The following TAOK3 variants were observed in gnomAD, a reference collection of about 807,000 sequenced individuals.
TAOK3 encodes the protein TAO kinase 3, also known as serine/threonine-protein kinase TAO3.
A neutral mutation model predicts 120.4 loss-of-function variants in TAOK3; 40 were observed. The observed-to-expected ratio is 0.33, with a 90% CI of 0.26 to 0.43. The LOEUF (loss-of-function observed/expected upper bound fraction) is 0.43, where lower values mean the gene tolerates loss of function less well. Ranked by LOEUF, TAOK3 falls within the 20% of genes least tolerant of loss-of-function variation. The pLI is 1.00. For missense variants in TAOK3, 821 were observed against 1,112.1 expected, an observed-to-expected ratio of 0.74 and a Z score of 3.72; for synonymous variants, 355 against 387.5, an observed-to-expected ratio of 0.92 and a Z score of 0.99.
chr12:118,219,565 A>AT (rs2039118499), intron 9 of TAOK3, among the ~76,000 whole-genome samples: 1 of 151,544 alleles, frequency 6.6e-6, no homozygotes, highest in Non-Finnish European at 1.5e-5. Flanking sequence ...TGCAAATTAT[A>AT]TTTTTTGCTT....
chr12:118,222,868 G>A (rs1593210139), intron 9 of TAOK3, among the ~76,000 whole-genome samples: 1 of 151,978 alleles, frequency 6.6e-6, no homozygotes, highest in African/African-American at 2.4e-5. Flanking sequence ...CTCAGAATTC[G>A]CCACTATATA....
At chr12:118,233,328 A>G (rs981184872) in intron 9 of TAOK3, among the ~76,000 whole-genome samples, 14 of 151,992 alleles carry the variant, frequency 9.2e-5, no homozygotes, top group Middle Eastern at 3.4e-3. Context: ...GATGCAGCAC[A>G]CCAACATGGC....
intron 9 of TAOK3, among the ~76,000 whole-genome samples, chr12:118,224,753 G>C (rs1012785325): frequency 2.7e-4 from 41 of 152,280 alleles, no homozygotes; most frequent in African/African-American, 9.6e-4. Flanking sequence ...GACAGTGTCA[G>C]TAACACTATC....
intron 15 of TAOK3, among the ~76,000 whole-genome samples, chr12:118,177,825 A>AAAAAAGAAAAAAAAG (rs1437130711): frequency 2.6e-4 from 39 of 152,190 alleles, no homozygotes; most frequent in Admixed American, 3.3e-4. Flanking sequence ...CTCTGTCTCA[A>AAAAAAGAAAAAAAAG]AAAAAGAAAA....
At chr12:118,370,685 A>G (rs2045869730) in intron 1 of TAOK3, among the ~76,000 whole-genome samples, 1 of 152,252 alleles carries the variant, frequency 6.6e-6, no homozygotes, top group African/African-American at 2.4e-5. Flanking sequence ...TCGAGTTTGA[A>G]AAGTAGGTAG....
chr12:118,291,521 T>C (rs561522849), intron 1 of TAOK3, among the ~76,000 whole-genome samples: 1 of 152,328 alleles, frequency 6.6e-6, no homozygotes, highest in East Asian at 1.9e-4. Context: ...TAACCATTAC[T>C]ACTTCATGTG....
chr12:118,264,540 G>T (rs1396372284), intron 2 of TAOK3, among the ~76,000 whole-genome samples: 2 of 152,116 alleles, frequency 1.3e-5, no homozygotes, highest in Non-Finnish European at 2.9e-5. Flanking sequence ...TCATATCAGT[G>T]GTTACCTGGG....
At chr12:118,352,330 C>T (rs1287642944) in intron 1 of TAOK3, among the ~76,000 whole-genome samples, 2 of 151,526 alleles carry the variant, frequency 1.3e-5, no homozygotes, top group Admixed American at 1.3e-4. Flanking sequence ...ATGGTGAAAC[C>T]CTGTCTCTAC....
intron 9 of TAOK3, among the ~76,000 whole-genome samples, chr12:118,220,532 C>G (rs1297111682): frequency 6.7e-6 from 1 of 150,314 alleles, no homozygotes; most frequent in African/African-American, 2.4e-5. Flanking sequence ...CACTTACTGG[C>G]AAAAGGTTAA....
intron 1 of TAOK3, among the ~76,000 whole-genome samples, chr12:118,362,279 C>A (rs1297902943): frequency 1.5e-5 from 2 of 129,232 alleles, no homozygotes; most frequent in Non-Finnish European, 3.2e-5. Flanking sequence ...TCTTGGGCCA[C>A]ACATAAAATA....
At chr12:118,279,403 G>T (rs549620256) in intron 1 of TAOK3, among the ~76,000 whole-genome samples, 1 of 151,516 alleles carries the variant, frequency 6.6e-6, no homozygotes, top group Admixed American at 6.6e-5. Flanking sequence ...TTCTTTTGTT[G>T]TACAGAAGCT....
rs1382164409 is a variant in TAOK3 at position 118,161,196 on chromosome 12, C to A, written c.2139+592G>T. On this transcript the variant is annotated intron_variant, in intron 18 of 20. Transcript: ENST00000392533. This position sits in a 1 kb window ranked among gnomAD's most constrained non-coding sequence, Gnocchi z 4.5. Reference sequence around the variant, plus strand: ...TGTGGCAACACTGACAACGTCCTCCCGGATATATAGCAATGGCTTAGTACA... The same window carrying A: ...TGTGGCAACACTGACAACGTCCTCCAGGATATATAGCAATGGCTTAGTACA... Among the ~76,000 whole-genome samples the A allele has an allele frequency of 6.6e-6, 1 of 152,142 alleles. No homozygotes were observed. Among genetic ancestry groups the A allele is most frequent in the Admixed American group, 6.5e-5 (1 of 15,270 alleles).
rs181545476 is a variant in TAOK3 at position 118,367,833 on chromosome 12, T to A, written c.-194+4815A>T. Among the ~76,000 whole-genome samples the A allele has an allele frequency of 7.1e-3, 1,073 of 151,886 alleles. 7 individuals are homozygous for A. Among genetic ancestry groups the A allele is most frequent in the Middle Eastern group, 0.017 (5 of 294 alleles). On this transcript the variant is annotated intron_variant, in intron 1 of 20. Coordinates refer to ENST00000392533, the MANE Select transcript of TAOK3 (RefSeq NM_016281.4). ...ATGAAAACTAGGGAAAAAATTATTTTAAAAAAAGGGGCACTTAATTAAGAC... is the reference window on the plus strand; with the variant it reads ...ATGAAAACTAGGGAAAAAATTATTTAAAAAAAAGGGGCACTTAATTAAGAC...
At chr12:118,284,073 C>T (rs1224532732) in intron 1 of TAOK3, among the ~76,000 whole-genome samples, 6 of 151,996 alleles carry the variant, frequency 3.9e-5, no homozygotes, top group Non-Finnish European at 8.8e-5. Flanking sequence ...ATTGTGCACA[C>T]ATCACAGAAA....
At chr12:118,368,772 C>T (rs2045815524) in intron 1 of TAOK3, among the ~76,000 whole-genome samples, 1 of 148,898 alleles carries the variant, frequency 6.7e-6, no homozygotes, top group African/African-American at 2.5e-5. Context: ...TGCCCCTGCA[C>T]TCCAGCCTGG....
chr12:118,270,430 T>C (rs948761134), intron 1 of TAOK3, among the ~76,000 whole-genome samples: 4 of 152,120 alleles, frequency 2.6e-5, no homozygotes, highest in Non-Finnish European at 5.9e-5. Flanking sequence ...CTACTTCCTA[T>C]GGGATAAAGA....
rs781066000 is a variant in TAOK3 at position 118,161,092 on chromosome 12, T to C, written c.2139+696A>G. 2.0e-5 allele frequency among the ~76,000 whole-genome samples: 3 copies of C among 152,242 alleles called. No individual in the cohort carries two copies. The highest frequency in any genetic ancestry group is 2.9e-5 in the Non-Finnish European group (2 of 68,042). On this transcript the variant is annotated intron_variant, in intron 18 of 20. Coordinates refer to ENST00000392533, the MANE Select transcript of TAOK3 (RefSeq NM_016281.4). The surrounding 1 kb of genome is among the most constrained non-coding windows in gnomAD (Gnocchi z 4.5). ...ACTTCACGAACACTCTGAGGACTTATGGTGATAGAAATCATTGCTTAGCTT... is the reference window on the plus strand; with the variant it reads ...ACTTCACGAACACTCTGAGGACTTACGGTGATAGAAATCATTGCTTAGCTT...
intron 11 of TAOK3, among the ~76,000 whole-genome samples, chr12:118,207,426 CCTTT>C (rs59717997): frequency 0.12 from 18,393 of 151,982 alleles, 1,194 homozygotes; most frequent in Middle Eastern, 0.15. Context: ...TAGACATGTC[CCTTT>C]CTTTCTCTCA....
intron 13 of TAOK3, among the ~76,000 whole-genome samples, chr12:118,196,094 T>TAAAAAAAA (rs1555219003): frequency 6.9e-6 from 1 of 145,968 alleles, no homozygotes; most frequent in African/African-American, 2.5e-5. Context: ...AATAAATAAA[T>TAAAAAAAA]AAAAGGAAGT....
Sources: allele counts gnomAD v4.1 joint callset (sites outside exome capture counted in the v4.1 genomes callset), GRCh38; gene constraint gnomAD v4.1.1; non-coding constraint Gnocchi (gnomAD v3.1); transcripts MANE v1.5; gene names NCBI Gene and HGNC (gene_info 2026-07-23, HGNC 2026-07-21).